The following MAST4 variants were observed in gnomAD, a reference collection of about 807,000 sequenced individuals.
The protein encoded by MAST4 is microtubule associated serine/threonine kinase family member 4.
Under a neutral mutation model 162.7 loss-of-function variants are expected in MAST4, and 89 were observed. That is an observed-to-expected ratio of 0.55 (90% confidence interval 0.46 to 0.65). The LOEUF (loss-of-function observed/expected upper bound fraction) is 0.65. MAST4 is among the 30% of genes least tolerant of loss of function. The pLI, the probability that MAST4 is intolerant of heterozygous loss-of-function variation, is 0.00. For missense variants in MAST4, 3,153 were observed against 3,374.0 expected (o/e 0.93, Z 1.62); for synonymous variants, 1,479 against 1,361.1 (o/e 1.09, Z -1.91).
intron 1 of MAST4, among the ~76,000 whole-genome samples, chr5:66,673,775 A>T (rs545329410): frequency 5.9e-5 from 9 of 152,282 alleles, no homozygotes; most frequent in African/African-American, 1.9e-4. Flanking sequence ...GGCGTGAGCC[A>T]CTGCACCTTG....
At chr5:66,789,078 T>C (rs1429188565) in intron 3 of MAST4, among the ~76,000 whole-genome samples, 1 of 152,208 alleles carries the variant, frequency 6.6e-6, no homozygotes, top group African/African-American at 2.4e-5. Flanking sequence ...ATAAAACTCA[T>C]GGAAAAGTTG....
At chr5:66,763,620 A>G (rs1753951671) in intron 2 of MAST4, among the ~76,000 whole-genome samples, 2 of 152,228 alleles carry the variant, frequency 1.3e-5, no homozygotes, top group Admixed American at 6.5e-5. Flanking sequence ...AATATGTTTT[A>G]ATATTGAAAG....
intron 27 of MAST4, among the ~76,000 whole-genome samples, chr5:67,161,668 A>C (rs994548324): frequency 6.6e-6 from 1 of 152,242 alleles, no homozygotes; most frequent in African/African-American, 2.4e-5. Context: ...GTAGAGAAAA[A>C]TTCGAGTAGA....
chr5:66,970,251 G>C (rs1460796777), intron 4 of MAST4, among the ~76,000 whole-genome samples: 1 of 152,232 alleles, frequency 6.6e-6, no homozygotes, highest in Non-Finnish European at 1.5e-5. Context: ...GTAAGAAAGA[G>C]GATGTGTGTG....
chr5:66,881,950 C>T (rs1236314929), intron 3 of MAST4, among the ~76,000 whole-genome samples: 1 of 152,178 alleles, frequency 6.6e-6, no homozygotes, highest in Non-Finnish European at 1.5e-5. Flanking sequence ...TCTGTGGATT[C>T]TGGAAGGAGT....
chr5:66,985,066 G>A (rs1283642594), intron 4 of MAST4, among the ~76,000 whole-genome samples: 3 of 152,142 alleles, frequency 2.0e-5, no homozygotes, highest in African/African-American at 7.2e-5. Flanking sequence ...CTAGTGAGAA[G>A]TAGCTTCAGG....
At chr5:67,149,365 G>T in intron 23 of MAST4, 24 bp from the exon 24 acceptor site, 1 of 1,600,940 alleles carries the variant, frequency 6.2e-7, no homozygotes, top group Non-Finnish European at 8.5e-7. Flanking sequence ...TCCTGAATGT[G>T]TTTATCCCTT....
chr5:67,123,986 G>A (rs1015874874), intron 14 of MAST4, among the ~76,000 whole-genome samples: 11 of 152,244 alleles, frequency 7.2e-5, no homozygotes, highest in East Asian at 1.9e-4. Context: ...TTGCTAGCAC[G>A]GAGTCACGTA....
chr5:66,740,741 T>G (rs1752437025), intron 1 of MAST4, among the ~76,000 whole-genome samples: 1 of 152,154 alleles, frequency 6.6e-6, no homozygotes, highest in Non-Finnish European at 1.5e-5. Context: ...TTGGATCAGG[T>G]ACAGTCGTCG....
intron 2 of MAST4, among the ~76,000 whole-genome samples, chr5:66,785,596 A>G (rs1176104632): frequency 6.6e-6 from 1 of 152,170 alleles, no homozygotes; most frequent in Non-Finnish European, 1.5e-5. Flanking sequence ...CTGGTATATA[A>G]TAAGGCCTCA....
chr5:67,030,797 A>AGTTTGAGAT (rs1335922094), intron 4 of MAST4, among the ~76,000 whole-genome samples: 5 of 152,132 alleles, frequency 3.3e-5, no homozygotes, highest in Admixed American at 1.3e-4. Context: ...CTACTTTTAT[A>AGTTTGAGAT]AAGCCTTGGG....
intron 3 of MAST4, among the ~76,000 whole-genome samples, chr5:66,830,635 A>G (rs1446937221): frequency 6.6e-6 from 1 of 152,216 alleles, no homozygotes; most frequent in African/African-American, 2.4e-5. Context: ...TCATGGTTAC[A>G]ACTTTACTGT....
intron 3 of MAST4, among the ~76,000 whole-genome samples, chr5:66,862,553 G>A (rs1200586690): frequency 6.6e-6 from 1 of 152,128 alleles, no homozygotes; most frequent in Non-Finnish European, 1.5e-5. Flanking sequence ...ATCATTGACC[G>A]ATGGATATAA....
intron 4 of MAST4, among the ~76,000 whole-genome samples, chr5:66,916,190 C>G (rs1483988771): frequency 6.6e-6 from 1 of 152,156 alleles, no homozygotes; most frequent in East Asian, 1.9e-4. Context: ...AATGCGACTA[C>G]TAGAAAATTT....
At chr5:67,046,692 A>C (rs1159523338) in intron 4 of MAST4, among the ~76,000 whole-genome samples, 1 of 152,248 alleles carries the variant, frequency 6.6e-6, no homozygotes, top group East Asian at 1.9e-4. Flanking sequence ...TTAATGGATT[A>C]GATATATTTC....
chr5:66,638,199 C>A (rs1303738261), intron 1 of MAST4, among the ~76,000 whole-genome samples: 1 of 152,172 alleles, frequency 6.6e-6, no homozygotes, highest in Non-Finnish European at 1.5e-5. Flanking sequence ...TCCTGAATTC[C>A]TTTGGCAGTC....
chr5:66,692,561 A>G (rs1749119453), intron 1 of MAST4, among the ~76,000 whole-genome samples: 1 of 152,116 alleles, frequency 6.6e-6, no homozygotes, highest in Admixed American at 6.6e-5. Context: ...TATTCGAGGC[A>G]ATAGGTGTTC....
intron 3 of MAST4, among the ~76,000 whole-genome samples, chr5:66,841,551 G>A (rs1169187651): frequency 1.3e-5 from 2 of 152,116 alleles, no homozygotes; most frequent in Non-Finnish European, 2.9e-5. Context: ...TCTCTTCCTG[G>A]TTTGCAGACA....
intron 10 of MAST4, among the ~76,000 whole-genome samples, chr5:67,108,291 GATT>G (rs1481174270): frequency 1.3e-5 from 2 of 152,156 alleles, no homozygotes; most frequent in Admixed American, 1.3e-4. Context: ...AACCAAAAAT[GATT>G]ATAGTAAGAA....
Sources: allele counts gnomAD v4.1 joint callset (sites outside exome capture counted in the v4.1 genomes callset), GRCh38; gene constraint gnomAD v4.1.1; transcripts MANE v1.5; gene names NCBI Gene and HGNC (gene_info 2026-07-23, HGNC 2026-07-21).